TSHZ2: variants seen among roughly 807,000 people sequenced by gnomAD.
The protein encoded by TSHZ2 is teashirt homolog 2.
A neutral mutation model predicts 74.4 loss-of-function variants in TSHZ2; 21 were observed. That is an observed-to-expected ratio of 0.28 (90% CI 0.20 to 0.41). The LOEUF (loss-of-function observed/expected upper bound fraction) is 0.41, where lower values mean the gene tolerates loss of function less well. Among genes scored for constraint, TSHZ2 ranks in the 10% least tolerant of loss-of-function variants. The pLI, the probability that TSHZ2 is intolerant of heterozygous loss-of-function variation, is 1.00. For synonymous variants in TSHZ2, 540 were observed against 515.3 expected (o/e 1.05, Z -0.65); for missense variants, 1,244 against 1,293.5 (o/e 0.96, Z 0.59).
intron 1 of TSHZ2, among the ~76,000 whole-genome samples, chr20:53,137,406 C>A (rs558509933): frequency 2.0e-5 from 3 of 150,602 alleles, no homozygotes; most frequent in African/African-American, 7.3e-5. Context: ...GGTTACATAA[C>A]TGTTCGTTAG....
intron 1 of TSHZ2, among the ~76,000 whole-genome samples, chr20:53,151,877 T>A (rs1987685010): frequency 6.6e-6 from 1 of 152,200 alleles, no homozygotes; most frequent in Admixed American, 6.5e-5. Flanking sequence ...ATGATATATA[T>A]CAAGATACAT....
At chr20:53,284,457 A>G (rs1263442643) in intron 2 of TSHZ2, among the ~76,000 whole-genome samples, 2 of 152,194 alleles carry the variant, frequency 1.3e-5, no homozygotes, top group Non-Finnish European at 2.9e-5. Flanking sequence ...GTCATTAAAC[A>G]TGTTATCAAA....
At chr20:53,355,106 A>G (rs1403589633) in intron 2 of TSHZ2, among the ~76,000 whole-genome samples, 1 of 152,242 alleles carries the variant, frequency 6.6e-6, no homozygotes, top group African/African-American at 2.4e-5. Flanking sequence ...GGATACAATA[A>G]TGATCAAGAC....
At chr20:53,382,432 C>G in intron 2 of TSHZ2, among the ~76,000 whole-genome samples, 1 of 152,142 alleles carries the variant, frequency 6.6e-6, no homozygotes, top group East Asian at 1.9e-4. Context: ...AAACAAGGAA[C>G]GGTCCCAGTG....
At position 52,972,405 on chromosome 20, in the gene TSHZ2, TTGTGTGTGTGTGCGAGGG is replaced by T. The variant is rs1292358635; in HGVS notation, c.-876_-859del. 6.6e-6 allele frequency: 1 copy of T among 151,774 alleles called. No homozygotes were observed. Among genetic ancestry groups the T allele is most frequent in the African/African-American group, 2.4e-5 (1 of 40,962 alleles). The allele number at this position is 151,774 out of a possible 1,614,324, so 9.4% of individuals were successfully genotyped here. A position where few individuals can be genotyped will look rare whatever the true frequency, so the allele number is the denominator to read the frequency against. The stretch of plus-strand genomic sequence containing the variant: ...TTTGCTGGCATCGCCTCGCCCTGTC[TTGTGTGTGTGTGCGAGGG>T]TGTGTGTGTGTGTTTGTGTGTGTGT... On this transcript the variant is annotated 5_prime_UTR_variant, in exon 1 of 3. Transcript: ENST00000371497.
At chr20:53,442,157 G>A (rs1194458869) in intron 2 of TSHZ2, among the ~76,000 whole-genome samples, 1 of 152,136 alleles carries the variant, frequency 6.6e-6, no homozygotes, top group Non-Finnish European at 1.5e-5. Flanking sequence ...TATAAAGGAA[G>A]ATTTTAAGCA....
chr20:53,043,856 C>T (rs1984132043), intron 1 of TSHZ2, among the ~76,000 whole-genome samples: 1 of 151,894 alleles, frequency 6.6e-6, no homozygotes, highest in Admixed American at 6.6e-5. Flanking sequence ...CCTTGGTAAA[C>T]AAATTTAATA....
chr20:53,098,085 G>A (rs1404438271), intron 1 of TSHZ2: 3 of 152,124 alleles, frequency 2.0e-5, no homozygotes, highest in Admixed American at 2.0e-4. Flanking sequence ...TTTGGAGTCT[G>A]GTAAACTCGG....
intron 2 of TSHZ2, among the ~76,000 whole-genome samples, chr20:53,277,948 T>C (rs1381013449): frequency 6.6e-6 from 1 of 152,218 alleles, no homozygotes; most frequent in African/African-American, 2.4e-5. Flanking sequence ...CTGCCAGGAC[T>C]GATGCAGTAG....
intron 2 of TSHZ2, among the ~76,000 whole-genome samples, chr20:53,284,991 G>A (rs1991138060): frequency 1.3e-5 from 2 of 152,172 alleles, no homozygotes; most frequent in South Asian, 4.1e-4. Context: ...GGCCGGCGCT[G>A]CAATTCGGAT....
intron 1 of TSHZ2, among the ~76,000 whole-genome samples, chr20:53,120,623 C>A (rs1047900503): frequency 2.6e-5 from 4 of 152,128 alleles, no homozygotes; most frequent in African/African-American, 7.2e-5. Flanking sequence ...GGAAATTACA[C>A]CCTGTAACAA....
intron 1 of TSHZ2, among the ~76,000 whole-genome samples, chr20:53,086,908 T>C (rs1295414941): frequency 1.3e-5 from 2 of 152,112 alleles, no homozygotes; most frequent in African/African-American, 2.4e-5. Flanking sequence ...ATATATTAGC[T>C]AGCTGGCATG....
At chr20:53,399,218 A>T (rs1982563830) in intron 2 of TSHZ2, 1 of 152,190 alleles carries the variant, frequency 6.6e-6, no homozygotes, top group South Asian at 2.1e-4. Flanking sequence ...CACACACGAT[A>T]ATTTAAACTT....
intron 1 of TSHZ2, among the ~76,000 whole-genome samples, chr20:52,980,100 T>C (rs1256315820): frequency 6.6e-6 from 1 of 152,202 alleles, no homozygotes; most frequent in African/African-American, 2.4e-5. Flanking sequence ...ACAACACTTT[T>C]TAAAAAATTG....
chr20:53,316,964 A>T (rs893772453), intron 2 of TSHZ2, among the ~76,000 whole-genome samples: 4 of 152,124 alleles, frequency 2.6e-5, no homozygotes, highest in Admixed American at 1.3e-4. Flanking sequence ...TCCCACCATT[A>T]ATGCTTCAGT....
chr20:53,235,757 G>A (rs1442874864), intron 1 of TSHZ2, among the ~76,000 whole-genome samples: 1 of 152,284 alleles, frequency 6.6e-6, no homozygotes, highest in East Asian at 1.9e-4. Context: ...AAGTTGGTTT[G>A]CCTGAGTAAT....
chr20:53,469,081 AT>A (rs1332629921), intron 2 of TSHZ2, among the ~76,000 whole-genome samples: 2 of 133,360 alleles, frequency 1.5e-5, no homozygotes, highest in Non-Finnish European at 3.2e-5. Context: ...ATATATATAT[AT>A]ATGTACATAT....
At chr20:52,976,542 A>G (rs1046180664) in intron 1 of TSHZ2, among the ~76,000 whole-genome samples, 2 of 152,242 alleles carry the variant, frequency 1.3e-5, no homozygotes, top group Non-Finnish European at 2.9e-5. Context: ...GATAGAGAAA[A>G]TGGCAGGAAA....
chr20:53,479,033 C>T (rs1184627813), intron 2 of TSHZ2, among the ~76,000 whole-genome samples: 7 of 151,898 alleles, frequency 4.6e-5, no homozygotes, highest in African/African-American at 1.2e-4. Context: ...GGTGTGGTGG[C>T]GCATGCCTGT....
Sources: gnomAD v4.1 joint callset for allele counts (sites outside exome capture counted in the v4.1 genomes callset) on GRCh38, gnomAD v4.1.1 for gene constraint, MANE v1.5 for transcripts, NCBI Gene and HGNC (gene_info 2026-07-23, HGNC 2026-07-21) for gene names.